Variants in SPATA17 observed in about 807,000 individuals in gnomAD.
SPATA17 encodes spermatogenesis associated 17, also known as spermatogenesis-associated protein 17.
SPATA17 carries 53 observed loss-of-function variants against 62.2 expected under a neutral mutation model. That is an observed-to-expected ratio of 0.85 (90% CI 0.68 to 1.07). The LOEUF (loss-of-function observed/expected upper bound fraction) is 1.07. SPATA17 is among the 50% of genes least tolerant of loss of function. The pLI is 0.00. For synonymous variants in SPATA17, 146 were observed against 146.8 expected (o/e 0.99, Z 0.04); for missense variants, 466 against 425.5 (o/e 1.10, Z -0.84).
chr1:217,744,200 C>A (rs1041158450), intron 6 of SPATA17, among the ~76,000 whole-genome samples: 1 of 47,296 alleles, frequency 2.1e-5, no homozygotes, highest in Non-Finnish European at 8.3e-5. Flanking sequence ...CGGTGGCTCA[C>A]GCCTGTAATC....
At chr1:217,751,331 T>C (rs1192203323) in intron 6 of SPATA17, among the ~76,000 whole-genome samples, 5 of 152,330 alleles carry the variant, frequency 3.3e-5, no homozygotes, top group Admixed American at 2.6e-4. Flanking sequence ...CTCCTTTTTT[T>C]CCCTTTGGAC....
At chr1:217,748,324 C>T (rs1360128800) in intron 6 of SPATA17, among the ~76,000 whole-genome samples, 1 of 140,710 alleles carries the variant, frequency 7.1e-6, no homozygotes, top group Non-Finnish European at 1.6e-5. Context: ...AAAAAATTAA[C>T]TTGACATACC....
Position 217,782,340 on chromosome 1 carries a change from C to T in SPATA17, c.872+18C>T, listed in dbSNP as rs1218662939. ...GACAATATGTGAGTTCTTAGCTTAA[C>T]AAAAATAGCTGTGACATATTTGGTG... On this transcript the variant is annotated intron_variant, in intron 8 of 10. Transcript: ENST00000366933. The T allele has an allele frequency of 8.9e-6, 14 of 1,572,990 alleles. No individual in the cohort carries two copies. Among genetic ancestry groups the T allele is most frequent in the Non-Finnish European group, 1.2e-5 (14 of 1,162,644 alleles).
chr1:217,850,290 G>T (rs2103011138), intron 9 of SPATA17: 4 of 353,332 alleles, frequency 1.1e-5, no homozygotes, highest in Non-Finnish European at 1.6e-5. Context: ...TTAACATTTT[G>T]AACAGGTTCA....
chr1:217,707,058 G>A (rs1671753466), intron 5 of SPATA17, among the ~76,000 whole-genome samples: 2 of 151,948 alleles, frequency 1.3e-5, no homozygotes, highest in Non-Finnish European at 2.9e-5. Flanking sequence ...GTAGAGACAG[G>A]GTTTCACCGT....
rs1473766580 is a variant in SPATA17 at position 217,801,784 on chromosome 1, G to A, written c.939G>A (p.Lys313=). 6.2e-7 allele frequency: 1 copy of A among 1,611,742 alleles called. No individual in the cohort carries two copies. Among genetic ancestry groups the A allele is most frequent in the Non-Finnish European group, 8.5e-7 (1 of 1,178,990 alleles). The change falls in exon 9 of 11, where the codon AAG becomes AAA. Residue 313 remains lysine, a synonymous_variant. Transcript: ENST00000366933. ...KYIPSMHLSS[K]YGPISYKEQF... ...TCCCATCAATGCATTTATCAAGCAAGTATGGTCCTATTTCTTACAAAGAAC... is the reference window on the plus strand; with the variant it reads ...TCCCATCAATGCATTTATCAAGCAAATATGGTCCTATTTCTTACAAAGAAC...
At chr1:217,701,733 A>G (rs556415482) in intron 5 of SPATA17, among the ~76,000 whole-genome samples, 21 of 152,160 alleles carry the variant, frequency 1.4e-4, no homozygotes, top group African/African-American at 4.6e-4. Flanking sequence ...GCCTGGTATT[A>G]TGGCTTTTAT....
chr1:217,668,255 T>A (rs894566791), intron 3 of SPATA17, among the ~76,000 whole-genome samples: 3 of 152,168 alleles, frequency 2.0e-5, no homozygotes, highest in African/African-American at 7.2e-5. Context: ...ATATTTTTAA[T>A]TAAAAGAGCA....
chr1:217,822,439 A>G (rs533318900), intron 9 of SPATA17, among the ~76,000 whole-genome samples: 1 of 151,096 alleles, frequency 6.6e-6, no homozygotes, highest in Admixed American at 6.6e-5. Context: ...TCTAATTACT[A>G]TATGAACTCT....
intron 9 of SPATA17, among the ~76,000 whole-genome samples, chr1:217,850,070 A>AT (rs1446183949): frequency 6.6e-6 from 1 of 152,006 alleles, no homozygotes; most frequent in East Asian, 1.9e-4. Flanking sequence ...AATTGTCCAC[A>AT]TTTTTTTGAA....
rs759322180 is a variant in SPATA17, at chr1:217,801,769, G to A, written c.924G>A (p.Met308Ile). ...YHKNEKYIPS[M>I]HLSSKYGPIS... Reference sequence around the variant, plus strand: ...AAAATGAAAAGTACATCCCATCAATGCATTTATCAAGCAAGTATGGTCCTA... The same window carrying A: ...AAAATGAAAAGTACATCCCATCAATACATTTATCAAGCAAGTATGGTCCTA... Residue 308 changes from methionine to isoleucine, a missense_variant, in exon 9 of 11, where the codon ATG (methionine) becomes ATA (isoleucine). Met to Ile is a conservative substitution (Grantham distance 10, BLOSUM62 1). Transcript: ENST00000366933. The A allele has an allele frequency of 6.2e-7, 1 of 1,610,640 alleles. No homozygotes were observed. Among genetic ancestry groups the A allele is most frequent in the East Asian group, 2.2e-5 (1 of 44,680 alleles).
At chr1:217,671,877 CT>C (rs1228437349) in intron 4 of SPATA17, among the ~76,000 whole-genome samples, 2 of 152,140 alleles carry the variant, frequency 1.3e-5, no homozygotes, top group African/African-American at 4.8e-5. Context: ...CAAAGTCACT[CT>C]TCAGAGGTTT....
chr1:217,712,558 C>A (rs182649322), intron 5 of SPATA17, among the ~76,000 whole-genome samples: 1 of 151,918 alleles, frequency 6.6e-6, no homozygotes, highest in African/African-American at 2.4e-5. Flanking sequence ...AATTTTCTGC[C>A]CCCTCCTCCA....
Position 217,793,215 on chromosome 1 carries a change from G to GTTTTTTTT in SPATA17, c.873-8498_873-8497insTTTTTTTT, listed in dbSNP as rs376041446. Among the ~76,000 whole-genome samples the GTTTTTTTT allele has an allele frequency of 1.4e-4, 16 of 114,644 alleles. 3 individuals carry two copies. The highest frequency in any genetic ancestry group is 3.0e-4 in the South Asian group (1 of 3,296). 75.2% of individuals were successfully genotyped at this position (114,644 alleles called of 152,430 possible). On this transcript the variant is annotated intron_variant, in intron 8 of 10. Transcript: ENST00000366933. ...GAATTGCTTTAATGTTAGGGCAGTG[G>GTTTTTTTT]TTTTTGTTTTTTTTTTTTTTTTTGA...
At chr1:217,761,591 AAGG>A (rs1236340339) in intron 6 of SPATA17, among the ~76,000 whole-genome samples, 1 of 152,196 alleles carries the variant, frequency 6.6e-6, no homozygotes, top group African/African-American at 2.4e-5. Flanking sequence ...GTTGCAGATA[AAGG>A]AGATCAATGA....
In SPATA17 at chr1:217,838,647, A is replaced by G. The variant is rs375685063; in HGVS notation, c.1006-24127A>G. Among the ~76,000 whole-genome samples the G allele has an allele frequency of 1.4e-4, 22 of 152,210 alleles. No homozygotes were observed. The East Asian group carries it at 3.9e-3, about 27-fold the overall frequency. ...TTTTGCCTGTGGCCCAAAGACAAAA[A>G]GAAATCACTTTTGTTCTAAGGAAAT... On this transcript the variant is annotated intron_variant, in intron 9 of 10. Coordinates refer to ENST00000366933, the MANE Select transcript of SPATA17 (RefSeq NM_138796.4).
intron 8 of SPATA17, among the ~76,000 whole-genome samples, chr1:217,789,285 C>T (rs1673941825): frequency 6.6e-6 from 1 of 152,170 alleles, no homozygotes; most frequent in African/African-American, 2.4e-5. Context: ...ATTTCTTGAG[C>T]TCCTCCACTT....
At chr1:217,823,542 A>G (rs964667018) in intron 9 of SPATA17, among the ~76,000 whole-genome samples, 7 of 151,960 alleles carry the variant, frequency 4.6e-5, no homozygotes, top group Admixed American at 4.6e-4. Context: ...AAAAATGCTA[A>G]CCACTACCCT....
At chr1:217,698,789 A>C (rs1304402679) in intron 5 of SPATA17, among the ~76,000 whole-genome samples, 1 of 152,096 alleles carries the variant, frequency 6.6e-6, no homozygotes, top group Non-Finnish European at 1.5e-5. Flanking sequence ...CTCCCACCAC[A>C]GCCAACACAC....
Sources: allele counts gnomAD v4.1 joint callset (sites outside exome capture counted in the v4.1 genomes callset), GRCh38; gene constraint gnomAD v4.1.1; transcripts MANE v1.5; gene names NCBI Gene and HGNC (gene_info 2026-07-23, HGNC 2026-07-21).